The following LARGE1 variants were observed in gnomAD, a reference collection of about 807,000 sequenced individuals.
LARGE1 encodes the protein LARGE xylosyl- and glucuronyltransferase 1.
Under a neutral mutation model 87.6 loss-of-function variants are expected in LARGE1, and 43 were observed. That is an observed-to-expected ratio of 0.49 (90% CI 0.38 to 0.63). The LOEUF is 0.63. Among genes scored for constraint, LARGE1 ranks in the 30% least tolerant of loss-of-function variants. The pLI is 0.00. For missense variants in LARGE1, 802 were observed against 1,000.2 expected (o/e 0.80, Z 2.67); for synonymous variants, 434 against 394.6 (o/e 1.10, Z -1.18).
chr22:33,184,630 TG>T (rs1454508265), intron 11 of LARGE1, among the ~76,000 whole-genome samples: 1 of 151,734 alleles, frequency 6.6e-6, no homozygotes, highest in African/African-American at 2.4e-5. Context: ...AAATTAATCA[TG>T]GGAATGAAAA....
chr22:33,206,116 G>A (rs534524028), intron 11 of LARGE1, among the ~76,000 whole-genome samples: 18 of 152,008 alleles, frequency 1.2e-4, no homozygotes, highest in South Asian at 4.2e-4. Flanking sequence ...CACCACACCC[G>A]GCTAATTTTT....
At chr22:33,716,685 C>G (rs972129837) in intron 2 of LARGE1, among the ~76,000 whole-genome samples, 1 of 152,218 alleles carries the variant, frequency 6.6e-6, no homozygotes, top group African/African-American at 2.4e-5. Context: ...CAGGCATGAG[C>G]CACCACACCT....
At chr22:33,792,221 CAT>C (rs1315928901) in intron 1 of LARGE1, among the ~76,000 whole-genome samples, 4 of 152,212 alleles carry the variant, frequency 2.6e-5, no homozygotes, top group Non-Finnish European at 4.4e-5. Flanking sequence ...ATAATCCCCA[CAT>C]GTCATGGGAG....
chr22:33,731,972 AAAT>A (rs1482533255), intron 2 of LARGE1, among the ~76,000 whole-genome samples: 1 of 152,268 alleles, frequency 6.6e-6, no homozygotes, highest in Non-Finnish European at 1.5e-5. Context: ...CGCTACAGGA[AAAT>A]AATGATTAAG....
At chr22:33,619,298 T>A (rs1237552094) in intron 4 of LARGE1, among the ~76,000 whole-genome samples, 1 of 152,138 alleles carries the variant, frequency 6.6e-6, no homozygotes, top group East Asian at 1.9e-4. Context: ...CTCACACCTG[T>A]CATCCCAGCA....
chr22:33,420,774 G>C (rs1030322736), intron 7 of LARGE1, among the ~76,000 whole-genome samples: 1 of 152,220 alleles, frequency 6.6e-6, no homozygotes, highest in Non-Finnish European at 1.5e-5. Context: ...GAATGAACAC[G>C]TGGATGGTCA....
At chr22:33,320,441 C>T (rs562774577) in intron 10 of LARGE1, among the ~76,000 whole-genome samples, 6 of 152,200 alleles carry the variant, frequency 3.9e-5, no homozygotes, top group Admixed American at 6.5e-5. Context: ...TTCTTCTCTG[C>T]GCTCCAAGAG....
intron 1 of LARGE1, among the ~76,000 whole-genome samples, chr22:33,791,911 T>C (rs1042428834): frequency 6.6e-6 from 1 of 152,250 alleles, no homozygotes; most frequent in African/African-American, 2.4e-5. Context: ...AAGTGCATAC[T>C]GCATGCTAAG....
At chr22:33,277,027 G>A (rs1025145844) in intron 14 of LARGE1, 33 bp downstream of exon 14, 10 of 1,604,576 alleles carry the variant, frequency 6.2e-6, no homozygotes, top group African/African-American at 4.0e-5. Context: ...CTCCCCCGTC[G>A]ACCATACCAG....
intron 2 of LARGE1, among the ~76,000 whole-genome samples, chr22:33,734,789 A>G (rs1222794573): frequency 1.3e-5 from 2 of 152,078 alleles, no homozygotes; most frequent in East Asian, 3.9e-4. Flanking sequence ...TTAAACTGGG[A>G]GAGTCGGTGG....
At chr22:33,906,723 C>T (rs549703429) in intron 1 of LARGE1, among the ~76,000 whole-genome samples, 1 of 152,070 alleles carries the variant, frequency 6.6e-6, no homozygotes. Flanking sequence ...AGTGGGCAAC[C>T]ATTTGCTTTT....
At chr22:33,607,461 C>CAAAAAAAAAAAAAAAAAAA (rs1217376084) in intron 4 of LARGE1, among the ~76,000 whole-genome samples, 1 of 58,034 alleles carries the variant, frequency 1.7e-5, no homozygotes, top group Non-Finnish European at 3.2e-5. Context: ...AACTGCATCT[C>CAAAAAAAAAAAAAAAAAAA]AAAAAAAAAA....
intron 1 of LARGE1, among the ~76,000 whole-genome samples, chr22:33,903,482 A>G (rs185156692): frequency 9.2e-5 from 14 of 152,330 alleles, no homozygotes; most frequent in Admixed American, 4.6e-4. Flanking sequence ...CAGTTAAAAA[A>G]AAAAAGAATG....
chr22:33,069,147 C>T, the LARGE1 span, among the ~76,000 whole-genome samples: 1 of 152,070 alleles, frequency 6.6e-6, no homozygotes, highest in Non-Finnish European at 1.5e-5. Context: ...GTATGAGACT[C>T]CTGCTTGCAG....
chr22:33,551,962 C>G (rs2077534363), intron 6 of LARGE1, among the ~76,000 whole-genome samples: 1 of 140,004 alleles, frequency 7.1e-6, no homozygotes, highest in South Asian at 2.2e-4. Flanking sequence ...CCACTGCACT[C>G]CAGCCTGGGC....
chr22:33,675,426 T>A (rs1257783154), intron 2 of LARGE1, among the ~76,000 whole-genome samples: 1 of 147,408 alleles, frequency 6.8e-6, no homozygotes, highest in East Asian at 2.1e-4. Context: ...AAGAAGAGAA[T>A]AACTGGGAAG....
chr22:33,305,668 C>A, intron 11 of LARGE1: 1 of 864,454 alleles, frequency 1.2e-6, no homozygotes, highest in Non-Finnish European at 1.4e-6. Context: ...TTTCAATGGC[C>A]TTTTTGATGA....
intron 2 of LARGE1, among the ~76,000 whole-genome samples, chr22:33,714,339 G>C (rs1236331782): frequency 2.0e-5 from 3 of 152,178 alleles, no homozygotes; most frequent in Admixed American, 2.0e-4. Flanking sequence ...GGCAGATAAG[G>C]CTGGTTCAAC....
At chr22:33,461,392 C>T (rs1053395993) in intron 6 of LARGE1, among the ~76,000 whole-genome samples, 2 of 152,096 alleles carry the variant, frequency 1.3e-5, no homozygotes, top group African/African-American at 2.4e-5. Flanking sequence ...GTTTCAGTGA[C>T]TCATTTCTAA....
Sources: gnomAD v4.1 joint callset for allele counts (sites outside exome capture counted in the v4.1 genomes callset) on GRCh38, gnomAD v4.1.1 for gene constraint, MANE v1.5 for transcripts, NCBI Gene and HGNC (gene_info 2026-07-23, HGNC 2026-07-21) for gene names.